KCNH7: variants seen among roughly 807,000 people sequenced by gnomAD.
KCNH7 encodes the protein voltage-gated inwardly rectifying potassium channel KCNH7.
In KCNH7, 49 loss-of-function variants were observed where a neutral mutation model predicts 120.8. The observed-to-expected ratio is 0.41, with a 90% CI of 0.32 to 0.51. KCNH7 has a LOEUF of 0.51. Among genes scored for constraint, KCNH7 ranks in the 20% least tolerant of loss-of-function variants. The probability of loss-of-function intolerance (pLI) is 0.38; values close to 1 mark genes in which losing one functional copy is unlikely to be tolerated. For synonymous variants in KCNH7, 547 were observed against 516.1 expected (o/e 1.06, Z -0.81); for missense variants, 1,097 against 1,446.6 (o/e 0.76, Z 3.92).
chr2:162,681,954 G>T (rs1355004859), intron 2 of KCNH7, among the ~76,000 whole-genome samples: 1 of 151,390 alleles, frequency 6.6e-6, no homozygotes. Flanking sequence ...CTTGTCATTT[G>T]CTACTACTAC....
At chr2:162,713,075 C>T (rs186116073) in intron 2 of KCNH7, among the ~76,000 whole-genome samples, 1 of 152,290 alleles carries the variant, frequency 6.6e-6, no homozygotes, top group Admixed American at 6.5e-5. Context: ...CAGGCACCCA[C>T]CACCACACCC....
intron 2 of KCNH7, among the ~76,000 whole-genome samples, chr2:162,775,156 T>C (rs1683188353): frequency 6.6e-6 from 1 of 152,160 alleles, no homozygotes; most frequent in African/African-American, 2.4e-5. Context: ...ATGCCTTCTC[T>C]ATATCAGGGA....
At chr2:162,601,399 CTTTTTTTTTTT>C (rs60201823) in intron 2 of KCNH7, among the ~76,000 whole-genome samples, 6 of 9,602 alleles carry the variant, frequency 6.2e-4, no homozygotes, top group East Asian at 2.6e-3. Flanking sequence ...ACTTCTTGTG[CTTTTTTTTTTT>C]TTTTTTTTTT....
Position 162,698,616 on chromosome 2 carries a change from G to A in KCNH7, c.307+137921C>T, listed in dbSNP as rs1320756158. On this transcript the variant is annotated intron_variant, in intron 2 of 15. Coordinates refer to ENST00000332142, the MANE Select transcript of KCNH7 (RefSeq NM_033272.4). ...AGAATTGGATATTAGAAAGAGCACC[G>A]CTTCACATCAAACAGACCTGTAATT... 5.3e-5 allele frequency among the ~76,000 whole-genome samples: 8 copies of A among 152,022 alleles called. No homozygotes were observed. The South Asian group carries it at 1.0e-3, about 20-fold the overall frequency.
intron 2 of KCNH7, among the ~76,000 whole-genome samples, chr2:162,707,764 T>G (rs1426827954): frequency 6.6e-6 from 1 of 152,122 alleles, no homozygotes; most frequent in African/African-American, 2.4e-5. Context: ...TGGACACATC[T>G]GACATCACCT....
At chr2:162,820,520 A>C (rs769411928) in intron 2 of KCNH7, among the ~76,000 whole-genome samples, 1 of 152,146 alleles carries the variant, frequency 6.6e-6, no homozygotes, top group Non-Finnish European at 1.5e-5. Flanking sequence ...TTCATCACAT[A>C]CAATGACCTC....
chr2:162,682,353 C>T (rs1190334433), intron 2 of KCNH7, among the ~76,000 whole-genome samples: 1 of 151,672 alleles, frequency 6.6e-6, no homozygotes, highest in African/African-American at 2.4e-5. Context: ...GTTGATATCA[C>T]CCACTTTCTA....
chr2:162,530,506 T>C (rs1178516327), intron 3 of KCNH7, among the ~76,000 whole-genome samples: 1 of 151,692 alleles, frequency 6.6e-6, no homozygotes, highest in Non-Finnish European at 1.5e-5. Context: ...TTACAAACAC[T>C]TTAGTGAGAG....
intron 2 of KCNH7, among the ~76,000 whole-genome samples, chr2:162,707,723 G>A (rs1326851354): frequency 6.6e-6 from 1 of 152,038 alleles, no homozygotes; most frequent in Non-Finnish European, 1.5e-5. Context: ...AGGTAGGGAA[G>A]GATACAGTAG....
At chr2:162,717,609 C>T (rs1466823840) in intron 2 of KCNH7, among the ~76,000 whole-genome samples, 2 of 152,088 alleles carry the variant, frequency 1.3e-5, no homozygotes, top group African/African-American at 2.4e-5. Context: ...TCAAAGAGGA[C>T]TTTCTTGATT....
At chr2:162,465,775 G>T (rs749917118) in intron 6 of KCNH7, among the ~76,000 whole-genome samples, 15 of 152,082 alleles carry the variant, frequency 9.9e-5, no homozygotes, top group Non-Finnish European at 2.2e-4. Flanking sequence ...CTGTTGTGGG[G>T]TCATGCACTC....
At chr2:162,598,390 G>A (rs894603824) in intron 2 of KCNH7, among the ~76,000 whole-genome samples, 1 of 152,018 alleles carries the variant, frequency 6.6e-6, no homozygotes, top group Non-Finnish European at 1.5e-5. Context: ...TGATGGAAAA[G>A]TGATACAAAT....
intron 2 of KCNH7, among the ~76,000 whole-genome samples, chr2:162,701,157 A>G (rs1270272149): frequency 6.6e-6 from 1 of 152,184 alleles, no homozygotes; most frequent in Non-Finnish European, 1.5e-5. Flanking sequence ...AGTCACTGGG[A>G]ACAAGAAAAA....
chr2:162,816,375 A>G (rs556923089), intron 2 of KCNH7, among the ~76,000 whole-genome samples: 7 of 151,580 alleles, frequency 4.6e-5, no homozygotes, highest in South Asian at 4.2e-4. Flanking sequence ...TGAAATCTGT[A>G]TCAAAGAAAA....
chr2:162,646,592 G>A (rs754814284), intron 2 of KCNH7, among the ~76,000 whole-genome samples: 19 of 152,152 alleles, frequency 1.2e-4, no homozygotes, highest in Admixed American at 2.0e-4. Context: ...AGCAGAAAGC[G>A]TCCTCTAATT....
chr2:162,653,305 G>A (rs781526935), intron 2 of KCNH7, among the ~76,000 whole-genome samples: 5 of 152,186 alleles, frequency 3.3e-5, no homozygotes, highest in Non-Finnish European at 7.3e-5. Flanking sequence ...ATGAAATTAA[G>A]TTGTCTTGTT....
intron 2 of KCNH7, among the ~76,000 whole-genome samples, chr2:162,706,382 T>C (rs1416047397): frequency 6.6e-6 from 1 of 152,076 alleles, no homozygotes; most frequent in East Asian, 1.9e-4. Flanking sequence ...ACAGTTTCCA[T>C]ATACTTCCCA....
chr2:162,493,219 G>A (rs1487287584), intron 6 of KCNH7, among the ~76,000 whole-genome samples: 2 of 151,924 alleles, frequency 1.3e-5, no homozygotes, highest in Non-Finnish European at 2.9e-5. Context: ...TAGGAGATAG[G>A]CAAATGAAAA....
At chr2:162,534,885 A>G (rs984311114) in intron 3 of KCNH7, among the ~76,000 whole-genome samples, 1 of 151,752 alleles carries the variant, frequency 6.6e-6, no homozygotes, top group Non-Finnish European at 1.5e-5. Flanking sequence ...ACCCAACAAC[A>G]TATTACAAAA....
Sources: gnomAD v4.1 joint callset for allele counts (sites outside exome capture counted in the v4.1 genomes callset) on GRCh38, gnomAD v4.1.1 for gene constraint, MANE v1.5 for transcripts, NCBI Gene and HGNC (gene_info 2026-07-23, HGNC 2026-07-21) for gene names.